The following GUCY1A2 variants were observed in gnomAD, a reference collection of about 807,000 sequenced individuals.
The protein encoded by GUCY1A2 is guanylate cyclase soluble subunit alpha-2.
A neutral mutation model predicts 63.5 loss-of-function variants in GUCY1A2; 27 were observed. The ratio of observed to expected loss-of-function variants is 0.43; its 90% CI spans 0.31 to 0.59. The LOEUF (loss-of-function observed/expected upper bound fraction) is 0.59, where lower values mean the gene tolerates loss of function less well. Ranked by LOEUF, GUCY1A2 falls within the 20% of genes least tolerant of loss-of-function variation. The pLI, the probability that GUCY1A2 is intolerant of heterozygous loss-of-function variation, is 0.11. For synonymous variants in GUCY1A2, 364 were observed against 343.5 expected (o/e 1.06, Z -0.66); for missense variants, 768 against 913.3 (o/e 0.84, Z 2.05).
intron 4 of GUCY1A2, among the ~76,000 whole-genome samples, chr11:106,862,539 C>T (rs1459591958): frequency 6.6e-6 from 1 of 151,954 alleles, no homozygotes; most frequent in Admixed American, 6.6e-5. Flanking sequence ...CTGAAAGAAG[C>T]AGCACCTCAC....
intron 3 of GUCY1A2, among the ~76,000 whole-genome samples, chr11:106,977,923 A>G (rs1021779959): frequency 2.0e-5 from 3 of 152,136 alleles, no homozygotes; most frequent in Non-Finnish European, 4.4e-5. Context: ...ATTAGGAAAA[A>G]AAATATTTCT....
intron 5 of GUCY1A2, among the ~76,000 whole-genome samples, chr11:106,804,227 G>C (rs1181842218): frequency 6.6e-6 from 1 of 152,044 alleles, no homozygotes; most frequent in East Asian, 1.9e-4. Flanking sequence ...TTGTTGCTTT[G>C]TTTCCAACAA....
At chr11:106,937,484 T>C (rs1046637192) in intron 4 of GUCY1A2, among the ~76,000 whole-genome samples, 1 of 152,168 alleles carries the variant, frequency 6.6e-6, no homozygotes, top group South Asian at 2.1e-4. Flanking sequence ...AATAATATAT[T>C]CTAGTTCAGA....
intron 3 of GUCY1A2, among the ~76,000 whole-genome samples, chr11:106,976,967 G>A (rs1813181): frequency 1 from 151,818 of 152,278 alleles, 75,679 homozygotes; most frequent in East Asian, 1. Context: ...CTCTCCGTGG[G>A]AATTGTGCAC....
At chr11:106,943,157 C>T (rs1161323826) in intron 3 of GUCY1A2, among the ~76,000 whole-genome samples, 1 of 152,164 alleles carries the variant, frequency 6.6e-6, no homozygotes, top group African/African-American at 2.4e-5. Flanking sequence ...ATAGCCAAGA[C>T]TTTGATTTTA....
At chr11:106,698,116 A>G (rs960032784) in intron 7 of GUCY1A2, among the ~76,000 whole-genome samples, 19 of 80,140 alleles carry the variant, frequency 2.4e-4, no homozygotes, top group Non-Finnish European at 1.9e-4. Context: ...ACTGAATGTT[A>G]GAATTTTTTT....
intron 3 of GUCY1A2, among the ~76,000 whole-genome samples, chr11:106,967,569 G>A (rs1214015983): frequency 6.6e-6 from 1 of 151,980 alleles, no homozygotes; most frequent in African/African-American, 2.4e-5. Flanking sequence ...ATAAACAGGA[G>A]AAAATCAGAA....
rs186956748 is a variant in GUCY1A2 at position 106,744,333 on chromosome 11, A to G, written c.1836+32106T>C. 4.3e-3 allele frequency among the ~76,000 whole-genome samples: 595 copies of G among 137,952 alleles called. 8 individuals carry two copies. The highest frequency in any genetic ancestry group is 0.016 in the African/African-American group (573 of 35,770). 90.5% of individuals were successfully genotyped at this position (137,952 alleles called of 152,430 possible). Reference sequence around the variant, plus strand: ...GCAATCTCAGCTCACTGCAAGCTCCACCTCCTGGGTTCATGCCATTCTCCT... The same window carrying G: ...GCAATCTCAGCTCACTGCAAGCTCCGCCTCCTGGGTTCATGCCATTCTCCT... On this transcript the variant is annotated intron_variant, in intron 6 of 7. Transcript: ENST00000526355.
chr11:106,975,588 G>T (rs1409229593), intron 3 of GUCY1A2, among the ~76,000 whole-genome samples: 1 of 152,068 alleles, frequency 6.6e-6, no homozygotes, highest in Admixed American at 6.6e-5. Flanking sequence ...CACAGCAATT[G>T]GCAAAGCACC....
chr11:106,712,306 T>C (rs759271315), intron 6 of GUCY1A2, among the ~76,000 whole-genome samples: 1 of 152,328 alleles, frequency 6.6e-6, no homozygotes, highest in South Asian at 2.1e-4. Context: ...ACATTCAACA[T>C]ATTTTTCATC....
rs1863432013 is a variant in GUCY1A2, at chr11:106,727,741, A to G, written c.1837-19075T>C. On this transcript the variant is annotated intron_variant, in intron 6 of 7. Transcript: ENST00000526355. ...AAATCGCTTAGGAAGTATCTTGCCA[A>G]TTTTGCCTTCTAAATGTCTCCATAT... 2.0e-5 allele frequency among the ~76,000 whole-genome samples: 3 copies of G among 152,170 alleles called. No homozygotes were observed. The South Asian group carries it at 6.2e-4, about 31-fold the overall frequency.
At chr11:106,863,630 G>A (rs960356074) in intron 4 of GUCY1A2, among the ~76,000 whole-genome samples, 2 of 150,554 alleles carry the variant, frequency 1.3e-5, no homozygotes, top group African/African-American at 4.9e-5. Context: ...CTCTTTCTTG[G>A]TTCCATATGA....
intron 4 of GUCY1A2, among the ~76,000 whole-genome samples, chr11:106,849,577 T>C (rs1391062290): frequency 1.3e-5 from 2 of 151,512 alleles, no homozygotes; most frequent in Non-Finnish European, 1.5e-5. Context: ...AGCTACAAAA[T>C]GTGATTTGAG....
chr11:106,909,858 G>A (rs977966658), intron 4 of GUCY1A2, among the ~76,000 whole-genome samples: 2 of 151,938 alleles, frequency 1.3e-5, no homozygotes, highest in African/African-American at 4.8e-5. Flanking sequence ...TTATTTCTCT[G>A]GGCTAATACC....
chr11:106,872,169 A>G (rs941032989), intron 4 of GUCY1A2, among the ~76,000 whole-genome samples: 3 of 152,170 alleles, frequency 2.0e-5, no homozygotes, highest in Non-Finnish European at 4.4e-5. Flanking sequence ...AAATTGAACA[A>G]GAATAAATGT....
chr11:106,957,855 CTTTTTTTTTT>C (rs59519013), intron 3 of GUCY1A2, among the ~76,000 whole-genome samples: 3,568 of 87,088 alleles, frequency 0.041, 117 homozygotes, highest in East Asian at 0.09. Flanking sequence ...AAGGGACAAA[CTTTTTTTTTT>C]TTTTTTTTTT....
intron 6 of GUCY1A2, among the ~76,000 whole-genome samples, chr11:106,709,240 T>C (rs1422419822): frequency 2.1e-5 from 2 of 95,310 alleles, no homozygotes; most frequent in Non-Finnish European, 4.0e-5. Flanking sequence ...AATTGTATAC[T>C]ATATTGTATA....
intron 4 of GUCY1A2, among the ~76,000 whole-genome samples, chr11:106,898,004 G>A (rs371557288): frequency 6.6e-6 from 1 of 152,024 alleles, no homozygotes; most frequent in Admixed American, 6.6e-5. Context: ...CTCAATATTA[G>A]GGAAACAACC....
intron 1 of GUCY1A2, among the ~76,000 whole-genome samples, chr11:107,009,365 C>T (rs1335034408): frequency 6.6e-6 from 1 of 152,076 alleles, no homozygotes; most frequent in Admixed American, 6.6e-5. Context: ...CAAAATGAAC[C>T]AGTAGATGGA....
Sources: allele counts gnomAD v4.1 joint callset (sites outside exome capture counted in the v4.1 genomes callset), GRCh38; gene constraint gnomAD v4.1.1; transcripts MANE v1.5; gene names NCBI Gene and HGNC (gene_info 2026-07-23, HGNC 2026-07-21).